The following EPCAM variants were observed in gnomAD, a reference collection of about 807,000 sequenced individuals.
The protein encoded by EPCAM is epithelial cell adhesion molecule, also known as adenocarcinoma-associated antigen.
EPCAM carries 39 observed loss-of-function variants against 40.0 expected under a neutral mutation model. That is an observed-to-expected ratio of 0.98 (90% CI 0.76 to 1.27). EPCAM has a LOEUF of 1.27. Ranked by LOEUF, EPCAM falls within the 50% of genes most tolerant of loss-of-function variation. The pLI is 0.00. For missense variants in EPCAM, 503 were observed against 381.2 expected, an observed-to-expected ratio of 1.32 and a Z score of -2.66; for synonymous variants, 168 against 132.3, an observed-to-expected ratio of 1.27 and a Z score of -1.85.
intron 1 of EPCAM, among the ~76,000 whole-genome samples, chr2:47,371,437 T>C (rs1297980872): frequency 6.6e-6 from 1 of 152,206 alleles, no homozygotes; most frequent in Non-Finnish European, 1.5e-5. Flanking sequence ...TCTTGGTTTA[T>C]TTGTAAGATG....
At chr2:47,369,803 C>G (rs945243291) in intron 1 of EPCAM, 4 of 681,704 alleles carry the variant, frequency 5.9e-6, no homozygotes, top group Non-Finnish European at 1.1e-5. Context: ...CAGCTTTGCT[C>G]GCCTTGGTAG....
chr2:47,376,448 C>T (rs1440938871), intron 4 of EPCAM, among the ~76,000 whole-genome samples: 4 of 151,838 alleles, frequency 2.6e-5, no homozygotes, highest in Admixed American at 6.6e-5. Flanking sequence ...TTAGTAGACA[C>T]GGGGTTTCTC....
chr2:47,379,738 T>C (rs755988611), intron 6 of EPCAM, 31 bp from the exon 7 acceptor site: 52 of 1,610,032 alleles, frequency 3.2e-5, no homozygotes, highest in Non-Finnish European at 3.8e-5. Context: ...TCCTTAAATA[T>C]TTTTAATTCC....
intron 4 of EPCAM, among the ~76,000 whole-genome samples, chr2:47,376,729 C>G (rs557895635): frequency 6.6e-6 from 1 of 152,308 alleles, no homozygotes; most frequent in South Asian, 2.1e-4. Context: ...GGTTTTTCCA[C>G]TGTGAAGTTA....
intron 3 of EPCAM, among the ~76,000 whole-genome samples, chr2:47,374,580 C>G (rs1671373541): frequency 6.6e-6 from 1 of 152,078 alleles, no homozygotes; most frequent in South Asian, 2.1e-4. Context: ...CTGTTCTGGT[C>G]TTCTGGAGCC....
At position 47,369,576 on chromosome 2, in the gene EPCAM, A is replaced by C; in HGVS notation, c.71A>C (p.Gln24Pro). ...AAATATFAAA[Q>P]EECVCENYKL... ...GCGACGGCGACTTTTGCCGCAGCTC[A>C]GGAAGGTGAGGCGCGGATTGGAGCA... The change falls in exon 1 of 9, where the codon CAG (glutamine) becomes CCG (proline). Residue 24 changes from glutamine (Q) to proline (P), a missense_variant. Coordinates refer to ENST00000263735, the MANE Select transcript of EPCAM (RefSeq NM_002354.3). 2 of 1,590,660 alleles carry C rather than the reference A, an allele frequency of 1.3e-6. No individual in the cohort carries two copies. Among genetic ancestry groups the C allele is most frequent in the Non-Finnish European group, 1.7e-6 (2 of 1,171,120 alleles).
intron 1 of EPCAM, among the ~76,000 whole-genome samples, chr2:47,372,750 C>T (rs890251177): frequency 2.0e-5 from 3 of 151,520 alleles, no homozygotes; most frequent in South Asian, 4.2e-4. Context: ...CCAGCCTGCA[C>T]GACAGAGTGA....
intron 8 of EPCAM, among the ~76,000 whole-genome samples, chr2:47,385,897 C>T (rs532871070): frequency 6.6e-6 from 1 of 152,184 alleles, no homozygotes; most frequent in Non-Finnish European, 1.5e-5. Context: ...TTGGTGACCG[C>T]AAGTCTAGAA....
Position 47,377,093 on chromosome 2 carries a change from AAGTG to A in EPCAM, c.555+19_555+22del. The A allele has an allele frequency of 1.3e-6, 2 of 1,548,952 alleles. No homozygotes were observed. The highest frequency in any genetic ancestry group is 2.7e-5 in the African/African-American group (2 of 73,776). The stretch of plus-strand genomic sequence containing the variant: ...GAGTATTTTGGTATGATTTTTTAAT[AAGTG>A]AGCTTTAGCAGACAGTTGGTGAGAC... On this transcript the variant is annotated intron_variant, in intron 5 of 8. Coordinates refer to ENST00000263735, the MANE Select transcript of EPCAM (RefSeq NM_002354.3).
At chr2:47,386,489 A>G (rs754584877) in intron 8 of EPCAM, 83 bp from the exon 9 acceptor site, 205 of 1,060,764 alleles carry the variant, frequency 1.9e-4, no homozygotes, top group Non-Finnish European at 2.6e-4. Context: ...CTTTAATTTC[A>G]TTTTTATTTA....
intron 3 of EPCAM, among the ~76,000 whole-genome samples, chr2:47,374,877 A>G (rs767553679): frequency 9.2e-5 from 14 of 152,136 alleles, no homozygotes; most frequent in Middle Eastern, 3.4e-3. Flanking sequence ...ACCTCAGGCA[A>G]TCCACCCACC....
chr2:47,375,178 A>G (rs2103749809), intron 3 of EPCAM, 56 bp from the exon 4 acceptor site: 1 of 1,319,910 alleles, frequency 7.6e-7, no homozygotes, highest in Non-Finnish European at 1.1e-6. Context: ...GCTTATTAGG[A>G]AAATAGTATG....
Position 47,369,357 on chromosome 2 carries a change from G to A in EPCAM, c.-149G>A. On this transcript the variant is annotated 5_prime_UTR_variant, in exon 1 of 9. Transcript: ENST00000263735. ...GAGCGAGCACCTTCGACGCGGTCCG[G>A]GGACCCCCTCGTCGCTGTCCTCCCG... The A allele has an allele frequency of 6.5e-6, 8 of 1,222,682 alleles. No individual in the cohort carries two copies. The highest frequency in any genetic ancestry group is 1.6e-5 in the African/African-American group (1 of 62,602). 75.7% of individuals were successfully genotyped at this position (1,222,682 alleles called of 1,614,324 possible).
chr2:47,384,962 C>T (rs2103768009), intron 7 of EPCAM, among the ~76,000 whole-genome samples: 1 of 152,264 alleles, frequency 6.6e-6, no homozygotes, highest in East Asian at 1.9e-4. Flanking sequence ...CCGCTTCGGC[C>T]TCCCAAAGTG....
intron 2 of EPCAM, 48 bp downstream of exon 2, chr2:47,373,618 C>G (rs771518994): frequency 3.4e-6 from 5 of 1,483,928 alleles, no homozygotes. Context: ...TGACTTAATA[C>G]TTCTTTAATT....
rs1350632574 is a variant in EPCAM at position 47,375,216 on chromosome 2, T to C, written c.426-18T>C. ...AGACTGAGTTATAGTCAACTGACAT[T>C]GTCTTTTTACTTTATAGCTGGATCA... On this transcript the variant is annotated intron_variant, in intron 3 of 8. Coordinates refer to ENST00000263735, the MANE Select transcript of EPCAM (RefSeq NM_002354.3). The C allele has an allele frequency of 2.6e-6, 4 of 1,562,610 alleles. No individual in the cohort carries two copies. Among genetic ancestry groups the C allele is most frequent in the Non-Finnish European group, 3.5e-6 (4 of 1,133,700 alleles).
At chr2:47,386,528 G>A (rs1477828215) in intron 8 of EPCAM, 44 bp from the exon 9 acceptor site, 4 of 1,472,258 alleles carry the variant, frequency 2.7e-6, no homozygotes, top group African/African-American at 2.8e-5. Context: ...ACAAAAGATT[G>A]AAAAATTATT....
chr2:47,375,204 G>A (rs763370944), intron 3 of EPCAM, 30 bp from the exon 4 acceptor site: 1 of 1,504,250 alleles, frequency 6.6e-7, no homozygotes, highest in Non-Finnish European at 9.3e-7. Flanking sequence ...CTGAGTTATA[G>A]TCAACTGACA....
Position 47,369,529 on chromosome 2 carries a change from G to C in EPCAM, c.24G>C (p.Ala8=), listed in dbSNP as rs777677935. Residue 8 remains alanine, a synonymous_variant, in exon 1 of 9, where the codon GCG becomes GCC. Coordinates refer to ENST00000263735, the MANE Select transcript of EPCAM (RefSeq NM_002354.3). The stretch of plus-strand genomic sequence containing the variant: ...GCATGGCGCCCCCGCAGGTCCTCGC[G>C]TTCGGGCTTCTGCTTGCCGCGGCGA... MAPPQVL[A]FGLLLAAATA... The C allele has an allele frequency of 2.5e-6, 4 of 1,575,802 alleles. No individual in the cohort carries two copies. The highest frequency in any genetic ancestry group is 3.4e-6 in the Non-Finnish European group (4 of 1,166,414).
Sources: gnomAD v4.1 joint callset for allele counts (sites outside exome capture counted in the v4.1 genomes callset) on GRCh38, gnomAD v4.1.1 for gene constraint, MANE v1.5 for transcripts, NCBI Gene and HGNC (gene_info 2026-07-23, HGNC 2026-07-21) for gene names.